The following CHIT1 variants were observed in gnomAD, a reference collection of about 807,000 sequenced individuals.
The protein encoded by CHIT1 is chitinase 1.
In CHIT1, 47 loss-of-function variants were observed where a neutral mutation model predicts 52.0. The observed-to-expected ratio is 0.90, with a 90% CI of 0.71 to 1.15. CHIT1 has a LOEUF of 1.15. CHIT1 is among the 50% of genes most tolerant of loss of function. CHIT1 has a pLI of 0.00. For missense variants in CHIT1, 569 were observed against 583.0 expected (o/e 0.98, Z 0.25); for synonymous variants, 242 against 228.2 (o/e 1.06, Z -0.54).
At chr1:203,224,004 G>C (rs1656838591) in intron 4 of CHIT1, among the ~76,000 whole-genome samples, 1 of 152,090 alleles carries the variant, frequency 6.6e-6, no homozygotes, top group African/African-American at 2.4e-5. Flanking sequence ...TCAGAATGGA[G>C]GTTTGAAAAG....
Position 203,217,719 on chromosome 1 carries a change from G to C in CHIT1, c.1156+20C>G. 6.2e-7 allele frequency: 1 copy of C among 1,613,376 alleles called. No homozygotes were observed. On this transcript the variant is annotated intron_variant, in intron 10 of 10. Transcript: ENST00000367229. ...ACCCCACCTCCAAATTCCACCACTGGCCCTGGGCCCCTTACTTACTCAGTT... is the reference window on the plus strand; with the variant it reads ...ACCCCACCTCCAAATTCCACCACTGCCCCTGGGCCCCTTACTTACTCAGTT...
chr1:203,229,233 T>G (rs974979256), intron 1 of CHIT1, among the ~76,000 whole-genome samples: 3 of 152,134 alleles, frequency 2.0e-5, no homozygotes, highest in African/African-American at 7.2e-5. Flanking sequence ...GAGAAGAGGT[T>G]CTTGGCAGTG....
intron 1 of CHIT1, among the ~76,000 whole-genome samples, chr1:203,229,294 C>T (rs111620715): frequency 0.021 from 3,214 of 152,254 alleles, 118 homozygotes; most frequent in African/African-American, 0.073. Context: ...ATGGGAAAGA[C>T]ACAAAGACCC....
chr1:203,225,180 G>A lies in CHIT1; in HGVS notation c.258-76C>T. 3 of 1,393,268 alleles carry A rather than the reference G, an allele frequency of 2.2e-6. No homozygotes were observed. In the South Asian group the frequency reaches 3.5e-5, roughly 16 times the overall value. 86.3% of individuals were successfully genotyped at this position (1,393,268 alleles called of 1,614,324 possible). On this transcript the variant is annotated intron_variant, in intron 3 of 10. Transcript: ENST00000367229. ...ACCCTGGCAGGGATGTTACAGTGGG[G>A]AGGAACAACAGGGGTGGGGACGTGT...
intron 4 of CHIT1, among the ~76,000 whole-genome samples, chr1:203,224,448 A>C (rs1249169913): frequency 6.6e-6 from 1 of 152,232 alleles, no homozygotes; most frequent in Non-Finnish European, 1.5e-5. Context: ...CACTTTCATC[A>C]GATTCCCAAA....
intron 7 of CHIT1, among the ~76,000 whole-genome samples, chr1:203,220,764 T>G (rs1433075167): frequency 6.6e-6 from 1 of 152,196 alleles, no homozygotes; most frequent in Non-Finnish European, 1.5e-5. Flanking sequence ...GATGGGTGCT[T>G]TCTGAAGGCA....
In CHIT1 at chr1:203,219,238, T is replaced by C. The variant is rs750090469; in HGVS notation, c.1007A>G (p.Asp336Gly). Reference sequence around the variant, plus strand: ...CACCTTGGTTTTGAAGCTCTCCACATCATCAAAGCCCACCCACTGGTTGTC... The same window carrying C: ...CACCTTGGTTTTGAAGCTCTCCACACCATCAAAGCCCACCCACTGGTTGTC... ...FRDNQWVGFD[D>G]VESFKTKVSY... Residue 336 changes from aspartate to glycine, a missense_variant, in exon 9 of 11, where the codon GAT becomes GGT. Asp to Gly is a moderately conservative substitution (Grantham distance 94, BLOSUM62 -1). Transcript: ENST00000367229. 1.2e-6 allele frequency: 2 copies of C among 1,606,690 alleles called. No homozygotes were observed. Among genetic ancestry groups the C allele is most frequent in the Non-Finnish European group, 1.7e-6 (2 of 1,173,124 alleles).
At chr1:203,226,804 G>A (rs1656946061) in intron 2 of CHIT1, among the ~76,000 whole-genome samples, 1 of 152,072 alleles carries the variant, frequency 6.6e-6, no homozygotes, top group Admixed American at 6.5e-5. Flanking sequence ...AGGACACCAG[G>A]AAGCAAGAAT....
chr1:203,228,307 G>A (rs915819044), intron 2 of CHIT1, among the ~76,000 whole-genome samples: 2 of 152,220 alleles, frequency 1.3e-5, no homozygotes, highest in African/African-American at 4.8e-5. Context: ...AGGCTGATGC[G>A]CAAGCTGGCC....
At chr1:203,229,532 T>C (rs929845745) in intron 1 of CHIT1, 80 bp downstream of exon 1, 2 of 1,530,596 alleles carry the variant, frequency 1.3e-6, no homozygotes, top group African/African-American at 1.4e-5. Flanking sequence ...TCCTTGCAAA[T>C]GGTAGCAAGT....
chr1:203,222,720 G>A (rs1295609877), intron 6 of CHIT1, among the ~76,000 whole-genome samples: 1 of 152,172 alleles, frequency 6.6e-6, no homozygotes, highest in Non-Finnish European at 1.5e-5. Flanking sequence ...CTGGGGTGGG[G>A]CCTGAGAGTC....
In CHIT1 at chr1:203,217,108, G is replaced by A; in HGVS notation, c.1182C>T (p.Thr394=). The change falls in exon 11 of 11, where the codon ACC becomes ACT. Residue 394 remains threonine (T), a synonymous_variant. Coordinates refer to ENST00000367229, the MANE Select transcript of CHIT1 (RefSeq NM_003465.3). ...CTGGTTTTGGAACTTCAAGCTCTGG[G>A]GTGCCTGAAGGCAAGTATGGAAGAC... The part of the protein sequence containing the change: ...ELSLPYLPSG[T]PELEVPKPGQ... 1 of 1,608,712 alleles carries A rather than the reference G, an allele frequency of 6.2e-7. No individual in the cohort carries two copies. Among genetic ancestry groups the A allele is most frequent in the Non-Finnish European group, 8.5e-7 (1 of 1,180,004 alleles).
intron 3 of CHIT1, 53 bp downstream of exon 3, chr1:203,225,615 GT>G: frequency 6.4e-7 from 1 of 1,567,998 alleles, no homozygotes; most frequent in Admixed American, 1.7e-5. Context: ...CTGGGAGGAG[GT>G]TATCTGTCAC....
rs771709551 is a variant in CHIT1 at position 203,223,582 on chromosome 1, G to A, written c.393C>T (p.Ser131=). 1.2e-6 allele frequency: 2 copies of A among 1,614,218 alleles called. No individual in the cohort carries two copies. The highest frequency in any genetic ancestry group is 2.2e-5 in the South Asian group (2 of 91,090). The change falls in exon 5 of 11, where the codon AGC becomes AGT. Residue 131 remains serine, a synonymous_variant. Coordinates refer to ENST00000367229, the MANE Select transcript of CHIT1 (RefSeq NM_003465.3). ...CCCAGTCAAGGTCAAGGCCGTCAAA[G>A]CTGTATTTGCGCAGAAACCTGATGG... The part of the protein sequence containing the change: ...NSAIRFLRKY[S]FDGLDLDWEY...
At chr1:203,226,619 T>C (rs1254110269) in intron 2 of CHIT1, among the ~76,000 whole-genome samples, 1 of 152,136 alleles carries the variant, frequency 6.6e-6, no homozygotes, top group Non-Finnish European at 1.5e-5. Flanking sequence ...CTAATAGAGC[T>C]AATTTTATCT....
At chr1:203,225,954 T>C in intron 2 of CHIT1, 84 bp from the exon 3 acceptor site, 3 of 1,391,308 alleles carry the variant, frequency 2.2e-6, no homozygotes, top group South Asian at 2.4e-5. Flanking sequence ...GTAGGCAATG[T>C]CCTTGGACCT....
rs1656517802 is a variant in CHIT1 at position 203,216,175 on chromosome 1, T to C, written c.*714A>G. ...TGGACTCAGAATTGGTTAGAATCAG[T>C]CTTCAGTTTAAATGCCTATAAAGTG... On this transcript the variant is annotated 3_prime_UTR_variant, in exon 11 of 11. Transcript: ENST00000367229. 2.2e-6 allele frequency: 1 copy of C among 453,966 alleles called. No individual in the cohort carries two copies. The highest frequency in any genetic ancestry group is 4.4e-6 in the Non-Finnish European group (1 of 226,798). 28.1% of individuals were successfully genotyped at this position (453,966 alleles called of 1,614,324 possible).
intron 1 of CHIT1, among the ~76,000 whole-genome samples, 160 bp from the exon 2 acceptor site, chr1:203,228,722 C>G (rs1657023021): frequency 6.6e-6 from 1 of 152,138 alleles, no homozygotes; most frequent in Non-Finnish European, 1.5e-5. Flanking sequence ...TGTGCCCATC[C>G]CTTCATGCAG....
At chr1:203,228,608 A>G (rs775109312) in intron 1 of CHIT1, 46 bp from the exon 2 acceptor site, 7 of 1,557,676 alleles carry the variant, frequency 4.5e-6, no homozygotes, top group South Asian at 1.2e-5. Flanking sequence ...TGCCATTCTC[A>G]CCTTCCCAGG....
Sources: allele counts gnomAD v4.1 joint callset (sites outside exome capture counted in the v4.1 genomes callset), GRCh38; gene constraint gnomAD v4.1.1; transcripts MANE v1.5; gene names NCBI Gene and HGNC (gene_info 2026-07-23, HGNC 2026-07-21).